Variants in CSMD1 observed in about 807,000 individuals in gnomAD.
The protein encoded by CSMD1 is CUB and sushi domain-containing protein 1.
In CSMD1, 213 loss-of-function variants were observed where a neutral mutation model predicts 417.5. The observed-to-expected ratio is 0.51, with a 90% confidence interval of 0.46 to 0.57. The LOEUF (loss-of-function observed/expected upper bound fraction) is 0.57. Among genes scored for constraint, CSMD1 ranks in the 20% least tolerant of loss-of-function variants. The pLI is 0.00. For synonymous variants in CSMD1, 2,862 were observed against 1,736.8 expected (o/e 1.65, Z -16.11); for missense variants, 6,923 against 4,529.7 (o/e 1.53, Z -15.17).
intron 2 of CSMD1, among the ~76,000 whole-genome samples, chr8:4,483,114 C>G (rs988745876): frequency 6.6e-6 from 1 of 152,162 alleles, no homozygotes. Context: ...CTCCCCCATA[C>G]TGTTCTCCTG....
At position 3,762,153 on chromosome 8, in the gene CSMD1, T is replaced by C. The variant is rs189969007; in HGVS notation, c.819-8111A>G. On this transcript the variant is annotated intron_variant, in intron 5 of 69. Coordinates refer to ENST00000635120, the MANE Select transcript of CSMD1 (RefSeq NM_033225.6). The stretch of plus-strand genomic sequence containing the variant: ...CCTCTTCAGGTGCACATCGCCCCCA[T>C]CCCCTGCTTTCTACACCCAGAAACA... 1.7e-3 allele frequency among the ~76,000 whole-genome samples: 263 copies of C among 152,160 alleles called. 1 individual carries two copies. The highest frequency in any genetic ancestry group is 6.0e-3 in the African/African-American group (250 of 41,516).
chr8:3,840,371 C>T (rs1803047805), intron 5 of CSMD1, among the ~76,000 whole-genome samples: 1 of 152,084 alleles, frequency 6.6e-6, no homozygotes, highest in Non-Finnish European at 1.5e-5. Flanking sequence ...CACAAATATG[C>T]TGAGGGAGAA....
rs533064399 is a variant in CSMD1, at chr8:4,881,254, GTC to G, written c.85+113076_85+113077del. 5.9e-5 allele frequency among the ~76,000 whole-genome samples: 9 copies of G among 152,162 alleles called. No homozygotes were observed. The South Asian group carries it at 1.9e-3, about 32-fold the overall frequency. On this transcript the variant is annotated intron_variant, in intron 1 of 69. Coordinates refer to ENST00000635120, the MANE Select transcript of CSMD1 (RefSeq NM_033225.6). The stretch of plus-strand genomic sequence containing the variant: ...CTTCTCACTGAGTTATCAATATGTG[GTC>G]TCTCTGTGACTTCATTGCCAGACTG...
At chr8:3,184,148 TC>T (rs1243463551) in intron 36 of CSMD1, among the ~76,000 whole-genome samples, 1 of 152,196 alleles carries the variant, frequency 6.6e-6, no homozygotes, top group African/African-American at 2.4e-5. Flanking sequence ...AATCATTTTT[TC>T]TTGCTTCAAG....
intron 29 of CSMD1, among the ~76,000 whole-genome samples, chr8:3,216,552 C>G (rs1166959770): frequency 5.9e-5 from 9 of 152,152 alleles, no homozygotes; most frequent in Non-Finnish European, 1.3e-4. Flanking sequence ...CTTTATGCCA[C>G]TAATTTTGAT....
chr8:3,861,772 G>T (rs969807490), intron 5 of CSMD1, among the ~76,000 whole-genome samples: 1 of 152,072 alleles, frequency 6.6e-6, no homozygotes. Flanking sequence ...TTTTCTACTG[G>T]CCCACTGAGT....
At chr8:4,233,120 T>G (rs1277330177) in intron 3 of CSMD1, among the ~76,000 whole-genome samples, 1 of 152,210 alleles carries the variant, frequency 6.6e-6, no homozygotes. Flanking sequence ...ATGCTATCAC[T>G]TATCCACAAC....
At chr8:4,416,953 G>A (rs925448747) in intron 3 of CSMD1, among the ~76,000 whole-genome samples, 1 of 151,942 alleles carries the variant, frequency 6.6e-6, no homozygotes, top group Admixed American at 6.6e-5. Context: ...AATCCTAATA[G>A]TTTCTGTTAT....
chr8:3,919,098 T>A (rs1385560212), intron 5 of CSMD1, among the ~76,000 whole-genome samples: 1 of 151,018 alleles, frequency 6.6e-6, no homozygotes, highest in African/African-American at 2.4e-5. Flanking sequence ...ATTTTGCAGA[T>A]TGTTTCTTTT....
chr8:3,371,439 G>C (rs185501201), intron 18 of CSMD1, among the ~76,000 whole-genome samples: 2 of 151,160 alleles, frequency 1.3e-5, no homozygotes. Context: ...ACATCACTCA[G>C]TGTCACAATT....
chr8:3,587,019 T>A (rs1480328424), intron 8 of CSMD1, among the ~76,000 whole-genome samples: 1 of 152,114 alleles, frequency 6.6e-6, no homozygotes, highest in Non-Finnish European at 1.5e-5. Context: ...AGGCTGGTCT[T>A]CAACTCCTGA....
At chr8:3,780,569 A>C (rs1799121163) in intron 5 of CSMD1, among the ~76,000 whole-genome samples, 1 of 152,212 alleles carries the variant, frequency 6.6e-6, no homozygotes, top group African/African-American at 2.4e-5. Context: ...CTATTTTCAA[A>C]TTCACAAATA....
At chr8:3,228,707 T>C (rs993546548) in intron 27 of CSMD1, among the ~76,000 whole-genome samples, 1 of 152,108 alleles carries the variant, frequency 6.6e-6, no homozygotes, top group African/African-American at 2.4e-5. Flanking sequence ...ATAAATTACT[T>C]TTAAGGGATT....
chr8:3,760,516 G>A (rs150281573), intron 5 of CSMD1, among the ~76,000 whole-genome samples: 21 of 152,200 alleles, frequency 1.4e-4, no homozygotes, highest in Middle Eastern at 3.4e-3. Context: ...ATTCTTTCAT[G>A]TAACCTCCCT....
chr8:3,239,553 T>C (rs180834902), intron 26 of CSMD1, among the ~76,000 whole-genome samples: 1 of 152,268 alleles, frequency 6.6e-6, no homozygotes, highest in Non-Finnish European at 1.5e-5. Context: ...TCCTGGAGCT[T>C]GATGTGTAGG....
At chr8:4,117,025 T>C (rs1273208887) in intron 3 of CSMD1, among the ~76,000 whole-genome samples, 4 of 151,974 alleles carry the variant, frequency 2.6e-5, no homozygotes, top group African/African-American at 7.2e-5. Flanking sequence ...CCTTTTTTTT[T>C]CTTTTCGCAG....
chr8:4,578,843 A>G (rs1357496102), intron 2 of CSMD1, among the ~76,000 whole-genome samples: 1 of 148,394 alleles, frequency 6.7e-6, no homozygotes, highest in Non-Finnish European at 1.5e-5. Context: ...ACCTATCTTT[A>G]CAAGCAGAAA....
At chr8:4,624,413 T>G (rs770822139) in intron 2 of CSMD1, among the ~76,000 whole-genome samples, 1 of 152,154 alleles carries the variant, frequency 6.6e-6, no homozygotes, top group Non-Finnish European at 1.5e-5. Flanking sequence ...TTTGGATGCC[T>G]TTCCCAATCC....
chr8:3,648,947 C>T (rs575317752), intron 7 of CSMD1, among the ~76,000 whole-genome samples: 1 of 152,132 alleles, frequency 6.6e-6, no homozygotes, highest in Admixed American at 6.5e-5. Flanking sequence ...TTTAACAGAA[C>T]CCGTAATGTA....
Sources: allele counts gnomAD v4.1 joint callset (sites outside exome capture counted in the v4.1 genomes callset), GRCh38; gene constraint gnomAD v4.1.1; transcripts MANE v1.5; gene names NCBI Gene and HGNC (gene_info 2026-07-23, HGNC 2026-07-21).